LRRC63: variants seen among roughly 807,000 people sequenced by gnomAD.
The protein encoded by LRRC63 is leucine rich repeat containing 63, also known as leucine-rich repeat-containing protein 63.
A neutral mutation model predicts 49.5 loss-of-function variants in LRRC63; 40 were observed. The observed-to-expected ratio is 0.81, with a 90% confidence interval of 0.63 to 1.05. The LOEUF is 1.05. Ranked by LOEUF, LRRC63 falls within the 50% of genes least tolerant of loss-of-function variation. LRRC63 has a pLI of 0.00. For missense variants in LRRC63, 636 were observed against 663.1 expected, an observed-to-expected ratio of 0.96 and a Z score of 0.45; for synonymous variants, 191 against 221.1, an observed-to-expected ratio of 0.86 and a Z score of 1.21.
intron 9 of LRRC63, among the ~76,000 whole-genome samples, chr13:46,269,401 C>T (rs949973854): frequency 4.6e-5 from 7 of 152,086 alleles, no homozygotes; most frequent in African/African-American, 1.7e-4. Flanking sequence ...CAGAATAGCA[C>T]TGTGGATCAG....
At chr13:46,261,673 T>G (rs1460248154) in intron 7 of LRRC63, among the ~76,000 whole-genome samples, 2 of 152,116 alleles carry the variant, frequency 1.3e-5, no homozygotes, top group Non-Finnish European at 2.9e-5. Context: ...TAATGAAAAT[T>G]TTTCTAAATA....
chr13:46,251,701 A>G (rs1055278408), intron 7 of LRRC63, among the ~76,000 whole-genome samples: 1 of 151,948 alleles, frequency 6.6e-6, no homozygotes, highest in African/African-American at 2.4e-5. Flanking sequence ...AGATACAAAC[A>G]CATATACAAT....
At chr13:46,260,576 G>A (rs1347698341) in intron 7 of LRRC63, among the ~76,000 whole-genome samples, 1 of 152,114 alleles carries the variant, frequency 6.6e-6, no homozygotes, top group Non-Finnish European at 1.5e-5. Context: ...ACGATGTGAT[G>A]GGTACTATGA....
intron 5 of LRRC63, among the ~76,000 whole-genome samples, chr13:46,239,444 T>C (rs929070081): frequency 3.3e-5 from 5 of 152,030 alleles, no homozygotes; most frequent in East Asian, 1.9e-4. Context: ...CAGGAAGAAA[T>C]TGATTACCTG....
chr13:46,225,650 G>A (rs573376273), intron 2 of LRRC63, among the ~76,000 whole-genome samples: 5 of 152,292 alleles, frequency 3.3e-5, no homozygotes, highest in Non-Finnish European at 5.9e-5. Context: ...AAATATATTG[G>A]TATAGCTATT....
At chr13:46,259,015 A>C (rs1926005) in intron 7 of LRRC63, among the ~76,000 whole-genome samples, 68,699 of 151,592 alleles carry the variant, frequency 0.45, 16,657 homozygotes, top group African/African-American at 0.62. Context: ...GCACACATTT[A>C]CTGAGGCCTA....
At chr13:46,220,352 G>C (rs2046369111) in intron 2 of LRRC63, among the ~76,000 whole-genome samples, 2 of 152,310 alleles carry the variant, frequency 1.3e-5, no homozygotes, top group African/African-American at 4.8e-5. Context: ...CAGTTTTGCT[G>C]AGCTGCAGTG....
chr13:46,244,846 T>C (rs1190350157), intron 5 of LRRC63, among the ~76,000 whole-genome samples: 1 of 152,152 alleles, frequency 6.6e-6, no homozygotes, highest in Non-Finnish European at 1.5e-5. Context: ...AATGGTAAAC[T>C]TTAGCCTAAA....
chr13:46,259,124 G>A (rs1022696932), intron 7 of LRRC63, among the ~76,000 whole-genome samples: 3 of 152,028 alleles, frequency 2.0e-5, no homozygotes, highest in Non-Finnish European at 4.4e-5. Context: ...GAAAGAACAG[G>A]GGCCTCCTAT....
At chr13:46,246,546 G>A in exon 6 of LRRC63, 13 of 1,455,880 alleles carry the variant, frequency 8.9e-6, no homozygotes, top group Non-Finnish European at 1.1e-5. Flanking sequence ...ATCCTAAATT[G>A]TCCAGACTTA....
At chr13:46,241,848 G>T (rs1214515356) in intron 5 of LRRC63, among the ~76,000 whole-genome samples, 7 of 151,916 alleles carry the variant, frequency 4.6e-5, no homozygotes, top group African/African-American at 1.7e-4. Context: ...TGGAGAAAAA[G>T]GAACATTTAT....
intron 7 of LRRC63, 28 bp from the exon 8 acceptor site, chr13:46,261,881 T>C (rs1389058619): frequency 1.2e-5 from 9 of 758,500 alleles, no homozygotes; most frequent in African/African-American, 1.8e-5. Context: ...TAATCATTTC[T>C]ACAATTAATT....
intron 9 of LRRC63, among the ~76,000 whole-genome samples, chr13:46,271,721 T>TAAAAAAA (rs56215272): frequency 7.6e-6 from 1 of 132,000 alleles, no homozygotes; most frequent in African/African-American, 2.8e-5. Flanking sequence ...TCATTTAAAC[T>TAAAAAAA]AAAAAAAAAA....
chr13:46,276,148 C>T (rs2138605677), intron 9 of LRRC63, among the ~76,000 whole-genome samples: 1 of 151,942 alleles, frequency 6.6e-6, no homozygotes, highest in African/African-American at 2.4e-5. Flanking sequence ...TTTAAAAATA[C>T]ATTATGGACT....
chr13:46,218,503 G>A (rs375829947), intron 2 of LRRC63, among the ~76,000 whole-genome samples: 16 of 152,036 alleles, frequency 1.1e-4, no homozygotes, highest in East Asian at 7.7e-4. Context: ...GTCTTTGCAC[G>A]TGAGATGGGT....
intron 5 of LRRC63, among the ~76,000 whole-genome samples, chr13:46,246,308 A>G (rs2138504650): frequency 6.6e-6 from 1 of 152,288 alleles, no homozygotes; most frequent in African/African-American, 2.4e-5. Context: ...AGAACAGCCT[A>G]ATACACAGTG....
chr13:46,246,502 C>A (rs2138505701), intron 5 of LRRC63, 25 bp from the exon 6 acceptor site: 2 of 1,244,436 alleles, frequency 1.6e-6, no homozygotes, highest in Non-Finnish European at 2.1e-6. Flanking sequence ...TGATTAACAC[C>A]TTATCTCTTG....
Position 46,213,060 on chromosome 13 carries a change from G to A in LRRC63, c.26G>A (p.Arg9Gln), listed in dbSNP as rs1290256344. Residue 9 changes from arginine to glutamine, a missense_variant, in exon 2 of 10, where the codon CGA becomes CAA. Physicochemically the swap from Arg to Gln is conservative, Grantham distance 43 (BLOSUM62 1). Coordinates refer to ENST00000595396, the Ensembl canonical transcript of LRRC63. The stretch of plus-strand genomic sequence containing the variant: ...ATGCAAAAGCCCCCACTGCTTCTTC[G>A]AAGACCCTTACCTCCAAAATTCACT... 1.2e-5 allele frequency: 18 copies of A among 1,549,282 alleles called. No individual in the cohort carries two copies. The East Asian group carries it at 1.2e-4, about 11-fold the overall frequency.
chr13:46,276,610 G>C (rs1298951260), exon 10 of LRRC63: 1 of 1,230,910 alleles, frequency 8.1e-7, no homozygotes, highest in East Asian at 3.2e-5. Flanking sequence ...TGTGAATGGT[G>C]TCATGGTCCC....
Sources: gnomAD v4.1 joint callset for allele counts (sites outside exome capture counted in the v4.1 genomes callset) on GRCh38, gnomAD v4.1.1 for gene constraint, MANE v1.5 for transcripts, NCBI Gene and HGNC (gene_info 2026-07-23, HGNC 2026-07-21) for gene names.